Variants in UBE2D3 observed in about 807,000 individuals in gnomAD.
UBE2D3 encodes the protein ubiquitin conjugating enzyme E2 D3, also known as ubiquitin-conjugating enzyme E2 D3.
In UBE2D3, 2 loss-of-function variants were observed where a neutral mutation model predicts 22.8. The observed-to-expected ratio is 0.09, with a 90% CI of 0.04 to 0.28. The LOEUF is 0.28. Ranked by LOEUF, UBE2D3 falls within the 10% of genes least tolerant of loss-of-function variation. UBE2D3 has a pLI of 1.00. For missense variants in UBE2D3, 27 were observed against 182.5 expected, an observed-to-expected ratio of 0.15 and a Z score of 4.91; for synonymous variants, 56 against 60.4, an observed-to-expected ratio of 0.93 and a Z score of 0.34.
At position 102,801,476 on chromosome 4, in the gene UBE2D3, C is replaced by T. The variant is rs200148388; in HGVS notation, c.282G>A (p.Ser94=). The T allele has an allele frequency of 1.4e-5, 22 of 1,607,022 alleles. No individual in the cohort carries two copies. The East Asian group carries it at 4.0e-4, about 30-fold the overall frequency. Residue 94 remains serine, a synonymous_variant, in exon 6 of 8, where the codon TCG becomes TCA. Transcript: ENST00000453744. The stretch of plus-strand genomic sequence containing the variant: ...TACCTTTAGAAATTGTTAAAGCAGG[C>T]GACCACTGTGATCTTAGAATATCGA... ...ICLDILRSQW[S]PALTISKVLL... is the part of the protein sequence containing the mutation.
intron 2 of UBE2D3, among the ~76,000 whole-genome samples, chr4:102,819,242 A>G (rs1222870971): frequency 6.6e-6 from 1 of 151,542 alleles, no homozygotes; most frequent in Non-Finnish European, 1.5e-5. Flanking sequence ...AGACAGGAGA[A>G]TTGCTTGAAC....
chr4:102,815,633 G>A (rs1345951059), intron 2 of UBE2D3, among the ~76,000 whole-genome samples: 1 of 152,084 alleles, frequency 6.6e-6, no homozygotes, highest in Non-Finnish European at 1.5e-5. Flanking sequence ...TTAGAGTGAA[G>A]GTATAATTTC....
At chr4:102,862,336 CT>C (rs1041561515) in intron 1 of UBE2D3, among the ~76,000 whole-genome samples, 2 of 151,878 alleles carry the variant, frequency 1.3e-5, no homozygotes, top group East Asian at 3.8e-4. Context: ...AATAATAATT[CT>C]TTTTTTAAAA....
At chr4:102,838,798 TG>T (rs1357250769) in intron 1 of UBE2D3, among the ~76,000 whole-genome samples, 3 of 95,748 alleles carry the variant, frequency 3.1e-5, no homozygotes, top group African/African-American at 1.3e-4. Flanking sequence ...TAAACAAAAC[TG>T]TGCTGGGCAA....
intron 1 of UBE2D3, among the ~76,000 whole-genome samples, chr4:102,839,282 T>G (rs1198761934): frequency 6.6e-6 from 1 of 152,190 alleles, no homozygotes; most frequent in Non-Finnish European, 1.5e-5. Flanking sequence ...TTCTTACTTT[T>G]TTGAGACAGG....
At chr4:102,805,495 C>CT (rs5860731) in intron 4 of UBE2D3, among the ~76,000 whole-genome samples, 24,193 of 140,572 alleles carry the variant, frequency 0.17, 2,135 homozygotes, top group African/African-American at 0.24. Context: ...CGTTGGTATT[C>CT]TTTTTTTTTT....
intron 2 of UBE2D3, among the ~76,000 whole-genome samples, chr4:102,824,264 T>C (rs952533484): frequency 3.3e-5 from 5 of 152,158 alleles, no homozygotes; most frequent in Non-Finnish European, 5.9e-5. Context: ...TAACTAAGAG[T>C]ACTAAACTAG....
intron 2 of UBE2D3, among the ~76,000 whole-genome samples, chr4:102,815,386 A>G (rs1430306907): frequency 6.6e-6 from 1 of 152,174 alleles, no homozygotes; most frequent in East Asian, 1.9e-4. Context: ...ATAAAAATCA[A>G]TGTAATCATG....
intron 2 of UBE2D3, among the ~76,000 whole-genome samples, chr4:102,817,574 G>A (rs184072534): frequency 2.6e-5 from 4 of 152,274 alleles, no homozygotes; most frequent in South Asian, 2.1e-4. Flanking sequence ...TCTCAACAGG[G>A]TGTCCTTGCA....
At chr4:102,803,277 A>G (rs891684512) in intron 4 of UBE2D3, among the ~76,000 whole-genome samples, 3 of 152,256 alleles carry the variant, frequency 2.0e-5, no homozygotes, top group African/African-American at 7.2e-5. Context: ...TAATGATCAA[A>G]GATACTGACC....
At chr4:102,798,618 T>G (rs375566211) in intron 7 of UBE2D3, among the ~76,000 whole-genome samples, 1 of 151,252 alleles carries the variant, frequency 6.6e-6, no homozygotes, top group African/African-American at 2.4e-5. Context: ...ACATTCTGTA[T>G]AGGATTGGTA....
chr4:102,827,782 A>AGGAGGATCATGAGCTGGGG, upstream of UBE2D3: 4 of 984,810 alleles, frequency 4.1e-6, no homozygotes, highest in South Asian at 1.9e-4. Flanking sequence ...CGGGGGAGGG[A>AGGAGGATCATGAGCTGGGG]GGAGGATCAT....
chr4:102,823,769 T>A (rs1730003484), intron 2 of UBE2D3, among the ~76,000 whole-genome samples: 1 of 152,118 alleles, frequency 6.6e-6, no homozygotes, highest in African/African-American at 2.4e-5. Context: ...GTCAAAAAAC[T>A]TACTCCAAGA....
At chr4:102,830,014 T>A (rs558285576), upstream of UBE2D3, among the ~76,000 whole-genome samples, 1 of 152,338 alleles carries the variant, frequency 6.6e-6, no homozygotes, top group East Asian at 1.9e-4. Context: ...CACAAACTCA[T>A]TATTGTTAGG....
intron 1 of UBE2D3, among the ~76,000 whole-genome samples, chr4:102,856,912 A>G (rs189662092): frequency 6.6e-6 from 1 of 152,288 alleles, no homozygotes; most frequent in Admixed American, 6.5e-5. Context: ...GGTAGGGGTA[A>G]ATAGGTGGAG....
upstream of UBE2D3, among the ~76,000 whole-genome samples, chr4:102,831,538 T>C (rs769353308): frequency 6.6e-6 from 1 of 152,136 alleles, no homozygotes; most frequent in Non-Finnish European, 1.5e-5. Context: ...ATAAAGAAGA[T>C]GTGATATATG....
intron 1 of UBE2D3, among the ~76,000 whole-genome samples, chr4:102,848,083 G>T (rs975274076): frequency 6.6e-6 from 1 of 152,172 alleles, no homozygotes; most frequent in African/African-American, 2.4e-5. Context: ...GGCATAAACG[G>T]GTTAAGTACT....
rs535564600 is a variant in UBE2D3 at position 102,848,157 on chromosome 4, A to G, written c.-129+20558T>C. Among the ~76,000 whole-genome samples the G allele has an allele frequency of 6.6e-5, 10 of 152,290 alleles. No homozygotes were observed. In the East Asian group the frequency reaches 1.9e-3, roughly 29 times the overall value. ...AATCTTTATAATTACTATGGTTATCATGGTGATACACTCCTCACCTGCTTC... is the reference window on the plus strand; with the variant it reads ...AATCTTTATAATTACTATGGTTATCGTGGTGATACACTCCTCACCTGCTTC... On this transcript the variant is annotated intron_variant, in intron 1 of 7. Transcript: ENST00000338145.
intron 7 of UBE2D3, among the ~76,000 whole-genome samples, chr4:102,798,075 C>T (rs1039703082): frequency 2.0e-5 from 3 of 151,458 alleles, no homozygotes; most frequent in Admixed American, 6.6e-5. Flanking sequence ...AGTGTGGTAA[C>T]TGAGGCTAAT....
Sources: allele counts gnomAD v4.1 joint callset (sites outside exome capture counted in the v4.1 genomes callset), GRCh38; gene constraint gnomAD v4.1.1; transcripts MANE v1.5; gene names NCBI Gene and HGNC (gene_info 2026-07-23, HGNC 2026-07-21).